Variants in MYO9A observed in about 807,000 individuals in gnomAD.
The protein encoded by MYO9A is myosin IXA, also known as unconventional myosin-IXa.
A neutral mutation model predicts 293.3 loss-of-function variants in MYO9A; 103 were observed. The observed-to-expected ratio is 0.35, with a 90% confidence interval of 0.30 to 0.41. The LOEUF is 0.41. Among genes scored for constraint, MYO9A ranks in the 10% least tolerant of loss-of-function variants. The probability of loss-of-function intolerance (pLI) is 1.00; values close to 1 mark genes in which losing one functional copy is unlikely to be tolerated. For missense variants in MYO9A, 2,685 were observed against 3,033.0 expected (o/e 0.89, Z 2.69); for synonymous variants, 1,001 against 1,035.7 (o/e 0.97, Z 0.64).
intron 11 of MYO9A, among the ~76,000 whole-genome samples, chr15:71,982,057 T>C (rs1447196354): frequency 8.3e-6 from 1 of 120,970 alleles, no homozygotes; most frequent in Non-Finnish European, 1.6e-5. Context: ...TCTCACTCTG[T>C]CGCCCAGGCT....
At chr15:71,839,081 T>C (rs1216507555) in intron 39 of MYO9A, among the ~76,000 whole-genome samples, 1 of 152,256 alleles carries the variant, frequency 6.6e-6, no homozygotes, top group Non-Finnish European at 1.5e-5. Context: ...GGTTAATCTC[T>C]TTCCATTTGC....
At position 71,842,847 on chromosome 15, in the gene MYO9A, G is replaced by A. The variant is rs188879158; in HGVS notation, c.6837+5998C>T. Reference sequence around the variant, plus strand: ...TGCACTCCAGCCTGGGTGACAGAGCGAGACTCCACCTCAAAAAAAAAAAAA... The same window carrying A: ...TGCACTCCAGCCTGGGTGACAGAGCAAGACTCCACCTCAAAAAAAAAAAAA... On this transcript the variant is annotated intron_variant, in intron 39 of 41. Coordinates refer to ENST00000356056, the MANE Select transcript of MYO9A (RefSeq NM_006901.4). 1.8e-3 allele frequency among the ~76,000 whole-genome samples: 268 copies of A among 145,012 alleles called. 1 individual carries two copies. The highest frequency in any genetic ancestry group is 5.6e-3 in the African/African-American group (221 of 39,378).
Position 71,825,402 on chromosome 15 carries a change from A to G in MYO9A, c.*1178T>C, listed in dbSNP as rs1385597894. On this transcript the variant is annotated 3_prime_UTR_variant, in exon 42 of 42. Transcript: ENST00000356056. ...AAACTTCAGTAACCAGAATATTAACAAAAATAGCTTCAAGTAGTCCTTGAT... is the reference window on the plus strand; with the variant it reads ...AAACTTCAGTAACCAGAATATTAACGAAAATAGCTTCAAGTAGTCCTTGAT... 1 of 152,240 alleles carries G rather than the reference A, an allele frequency of 6.6e-6. No individual in the cohort carries two copies. The highest frequency in any genetic ancestry group is 1.5e-5 in the Non-Finnish European group (1 of 68,042). The allele number at this position is 152,240 out of a possible 1,614,324, so 9.4% of individuals were successfully genotyped here. A position where few individuals can be genotyped will look rare whatever the true frequency, so the allele number is the denominator to read the frequency against.
At position 72,049,260 on chromosome 15, in the gene MYO9A, T is replaced by C. The variant is rs991863787; in HGVS notation, c.-71-2626A>G. On this transcript the variant is annotated intron_variant, in intron 1 of 41. Transcript: ENST00000356056. Reference sequence around the variant, plus strand: ...TTTGGTATTAAATGATCAATTGATATTCAAATTTCCAAATTTCCTCAGTTA... The same window carrying C: ...TTTGGTATTAAATGATCAATTGATACTCAAATTTCCAAATTTCCTCAGTTA... Among the ~76,000 whole-genome samples, 80 of 152,362 alleles carry C rather than the reference T, an allele frequency of 5.3e-4. 1 individual carries two copies. The highest frequency in any genetic ancestry group is 1.7e-3 in the African/African-American group (71 of 41,582).
intron 28 of MYO9A, among the ~76,000 whole-genome samples, chr15:71,882,628 CTCTA>C (rs1396159649): frequency 1.3e-5 from 2 of 151,994 alleles, no homozygotes; most frequent in African/African-American, 4.8e-5. Flanking sequence ...GAAACCTTGT[CTCTA>C]AAATTGAAAA....
At chr15:72,001,946 T>C (rs576795191) in intron 8 of MYO9A, among the ~76,000 whole-genome samples, 1 of 152,246 alleles carries the variant, frequency 6.6e-6, no homozygotes, top group East Asian at 1.9e-4. Context: ...AATCCAAAGC[T>C]ATATTGTGAG....
At chr15:71,971,546 G>A (rs1474419389) in intron 12 of MYO9A, among the ~76,000 whole-genome samples, 6 of 150,684 alleles carry the variant, frequency 4.0e-5, no homozygotes, top group African/African-American at 7.3e-5. Context: ...ACCGCACCAC[G>A]GCATTCCAGC....
chr15:71,925,430 T>G (rs757409606), intron 18 of MYO9A, among the ~76,000 whole-genome samples: 4 of 151,624 alleles, frequency 2.6e-5, no homozygotes, highest in Non-Finnish European at 4.4e-5. Context: ...TATGTATATA[T>G]AGATACGTAT....
chr15:71,835,840 A>T (rs1241598394), intron 39 of MYO9A, among the ~76,000 whole-genome samples: 5 of 152,146 alleles, frequency 3.3e-5, no homozygotes, highest in African/African-American at 1.2e-4. Context: ...TTATTCTACC[A>T]GTTATTTTTA....
intron 13 of MYO9A, among the ~76,000 whole-genome samples, chr15:71,966,265 AGTGTGT>A (rs377708464): frequency 0.026 from 3,503 of 134,928 alleles, 74 homozygotes; most frequent in Non-Finnish European, 0.032. Context: ...ATCCCAGGCA[AGTGTGT>A]GTGTGTGTGT....
chr15:72,108,716 A>G (rs2080662505), intron 1 of MYO9A, among the ~76,000 whole-genome samples: 1 of 152,164 alleles, frequency 6.6e-6, no homozygotes, highest in African/African-American at 2.4e-5. Flanking sequence ...TATTTCTTAG[A>G]AAATATATAC....
chr15:71,966,159 G>A (rs2075868936), intron 13 of MYO9A, among the ~76,000 whole-genome samples: 1 of 152,094 alleles, frequency 6.6e-6, no homozygotes, highest in Non-Finnish European at 1.5e-5. Flanking sequence ...TTACAGGCGT[G>A]AGCCACCATG....
rs55738821 is a variant in MYO9A, at chr15:71,898,419, A to G, written c.4084T>C (p.Ser1362Pro). 50,000 of 1,613,752 alleles carry G rather than the reference A, an allele frequency of 0.031. 932 individuals carry two copies. The highest frequency in any genetic ancestry group is 0.037 in the Non-Finnish European group (43,329 of 1,179,984). The change falls in exon 25 of 42, where the codon TCC (serine) becomes CCC (proline). Residue 1362 changes from serine (S) to proline (P), a missense_variant. By Grantham distance (74) the Ser-to-Pro change is moderately conservative (BLOSUM62 -1). Transcript: ENST00000356056. ...CGTGAATCAAATTTTGGACTGCTGG[A>G]TATCTTAGGTGATGGAAACTGCAAG... ...GDLQFPSPKI[S>P]SSPKFDSRDN...
chr15:71,886,569 CT>C (rs2057026808), intron 27 of MYO9A, among the ~76,000 whole-genome samples: 1 of 152,016 alleles, frequency 6.6e-6, no homozygotes, highest in African/African-American at 2.4e-5. Context: ...ATTTCTTGTT[CT>C]GCTATAATTG....
At chr15:72,044,914 TA>T (rs546823895) in intron 2 of MYO9A, among the ~76,000 whole-genome samples, 32 of 147,190 alleles carry the variant, frequency 2.2e-4, no homozygotes, top group Admixed American at 4.7e-4. Context: ...ACATTCTCTT[TA>T]AAAAAAAAAA....
chr15:71,898,841 T>C lies in MYO9A; in HGVS notation c.3662A>G (p.Glu1221Gly), dbSNP rs897580176. 2.5e-6 allele frequency: 4 copies of C among 1,614,176 alleles called. No individual in the cohort carries two copies. The highest frequency in any genetic ancestry group is 1.7e-5 in the Admixed American group (1 of 60,008). Residue 1221 changes from glutamate to glycine, a missense_variant, in exon 25 of 42, where the codon GAA (glutamate) becomes GGA (glycine). By Grantham distance (98) the Glu-to-Gly change is moderately conservative. Around this residue, in one of 10 missense-constraint regions of MYO9A, gnomAD observed 1,434 missense variants for 1,497.7 expected, o/e 0.96. Transcript: ENST00000356056. ...SVIESNRISR[E>G]SSVDCLKESP... The stretch of plus-strand genomic sequence containing the variant: ...CTCCTTCAAGCAGTCCACTGAACTT[T>C]CACGGCTAATTCGATTACTCTCTAT...
intron 27 of MYO9A, among the ~76,000 whole-genome samples, chr15:71,887,212 A>T (rs1304464817): frequency 6.6e-6 from 1 of 152,094 alleles, no homozygotes; most frequent in Non-Finnish European, 1.5e-5. Flanking sequence ...AAAATACCAT[A>T]AGTCATGTAA....
At chr15:71,961,725 C>T (rs1389041723) in intron 13 of MYO9A, among the ~76,000 whole-genome samples, 2 of 151,996 alleles carry the variant, frequency 1.3e-5, no homozygotes, top group Non-Finnish European at 2.9e-5. Flanking sequence ...GTTATTATCA[C>T]CATATAGATT....
chr15:72,033,366 T>C (rs561500508), intron 2 of MYO9A, among the ~76,000 whole-genome samples: 1 of 152,328 alleles, frequency 6.6e-6, no homozygotes, highest in Non-Finnish European at 1.5e-5. Flanking sequence ...GTACATAATG[T>C]ACTATACTTT....
Sources: allele counts gnomAD v4.1 joint callset (sites outside exome capture counted in the v4.1 genomes callset), GRCh38; gene constraint gnomAD v4.1.1; regional missense constraint gnomAD v4.1.1; transcripts MANE v1.5; gene names NCBI Gene and HGNC (gene_info 2026-07-23, HGNC 2026-07-21).